IL34: variants seen among roughly 807,000 people sequenced by gnomAD.
IL34 encodes interleukin 34, also known as interleukin-34.
A neutral mutation model predicts 25.3 loss-of-function variants in IL34; 17 were observed. That is an observed-to-expected ratio of 0.67 (90% CI 0.46 to 1.01). The LOEUF (loss-of-function observed/expected upper bound fraction) is 1.01. Ranked by LOEUF, IL34 falls within the 50% of genes least tolerant of loss-of-function variation. The pLI is 0.00. For missense variants in IL34, 368 were observed against 312.9 expected, an observed-to-expected ratio of 1.18 and a Z score of -1.33; for synonymous variants, 174 against 140.9, an observed-to-expected ratio of 1.23 and a Z score of -1.66.
chr16:70,610,424 C>T (rs1396409649), intron 1 of IL34, among the ~76,000 whole-genome samples: 2 of 152,150 alleles, frequency 1.3e-5, no homozygotes. Flanking sequence ...GCCCATGTGT[C>T]CAGTTCATTC....
intron 1 of IL34, among the ~76,000 whole-genome samples, chr16:70,624,734 A>G (rs1410618787): frequency 1.3e-5 from 2 of 151,870 alleles, no homozygotes; most frequent in African/African-American, 4.9e-5. Flanking sequence ...GAACGAAACT[A>G]TAAGCCAGAC....
At chr16:70,642,929 AG>A (rs1470847933), upstream of IL34, among the ~76,000 whole-genome samples, 16 of 152,206 alleles carry the variant, frequency 1.1e-4, no homozygotes, top group Non-Finnish European at 2.1e-4. Context: ...AAGAGGGAAT[AG>A]GGGGTGACTG....
intron 1 of IL34, among the ~76,000 whole-genome samples, chr16:70,624,068 G>A (rs995059418): frequency 6.6e-6 from 1 of 152,106 alleles, no homozygotes; most frequent in Non-Finnish European, 1.5e-5. Flanking sequence ...CCGCTAAGCC[G>A]AGAAGGAGTC....
intron 1 of IL34, among the ~76,000 whole-genome samples, chr16:70,604,907 T>TGTGTGTGTGC (rs2050978283): frequency 6.6e-6 from 1 of 151,906 alleles, no homozygotes; most frequent in Non-Finnish European, 1.5e-5. Flanking sequence ...TGTGCATGCA[T>TGTGTGTGTGC]GTGTGTGTGC....
chr16:70,651,262 G>C (rs2052071821), intron 1 of IL34, among the ~76,000 whole-genome samples: 1 of 152,158 alleles, frequency 6.6e-6, no homozygotes, highest in African/African-American at 2.4e-5. Context: ...CAAAGCATGA[G>C]CCCAGGAGGC....
chr16:70,602,234 C>T (rs957616325), intron 1 of IL34, among the ~76,000 whole-genome samples: 8 of 152,218 alleles, frequency 5.3e-5, no homozygotes, highest in Admixed American at 4.6e-4. Flanking sequence ...AATGTGGTCT[C>T]TTCCTTTGCT....
At chr16:70,628,734 G>A (rs929233148) in intron 1 of IL34, among the ~76,000 whole-genome samples, 2 of 148,576 alleles carry the variant, frequency 1.3e-5, no homozygotes, top group African/African-American at 5.0e-5. Context: ...TGATCCACCC[G>A]CCTTGGCCTC....
At chr16:70,623,435 TGGG>T (rs1036560524) in intron 1 of IL34, among the ~76,000 whole-genome samples, 15 of 151,744 alleles carry the variant, frequency 9.9e-5, no homozygotes, top group Admixed American at 7.2e-4. Flanking sequence ...ACAGGCAAAA[TGGG>T]GGAATTGTAA....
chr16:70,608,718 G>A (rs1211749977), intron 1 of IL34, among the ~76,000 whole-genome samples: 5 of 152,372 alleles, frequency 3.3e-5, no homozygotes, highest in Non-Finnish European at 7.4e-5. Flanking sequence ...TCCCACAGCA[G>A]GTTCAGGTGG....
chr16:70,653,426 C>T (rs570400365), intron 1 of IL34, among the ~76,000 whole-genome samples: 1 of 150,978 alleles, frequency 6.6e-6, no homozygotes, highest in South Asian at 2.1e-4. Flanking sequence ...GGGCCAGGCA[C>T]AGTGGCTCAC....
At chr16:70,623,844 G>T in intron 1 of IL34, among the ~76,000 whole-genome samples, 1 of 150,906 alleles carries the variant, frequency 6.6e-6, no homozygotes, top group Non-Finnish European at 1.5e-5. Context: ...CCAGAGTTGG[G>T]GAGTTCTAAG....
In IL34 at chr16:70,654,525, G is replaced by T. The variant is rs375928624; in HGVS notation, c.29-13G>T. The T allele has an allele frequency of 3.9e-5, 63 of 1,601,826 alleles. No individual in the cohort carries two copies. The African/African-American group carries it at 7.3e-4, about 19-fold the overall frequency. ...GAGGGTGCTCATGTGCTCTTGTCGGGTGTGGTCCACAGATCTTGGGATCTT... is the reference window on the plus strand; with the variant it reads ...GAGGGTGCTCATGTGCTCTTGTCGGTTGTGGTCCACAGATCTTGGGATCTT... On this transcript the variant is annotated splice_polypyrimidine_tract_variant and intron_variant, in intron 1 of 5. Transcript: ENST00000288098.
At chr16:70,637,500 C>T (rs924380143) in intron 1 of IL34, among the ~76,000 whole-genome samples, 18 of 149,274 alleles carry the variant, frequency 1.2e-4, no homozygotes, top group Non-Finnish European at 6.0e-5. Context: ...CATACACCAT[C>T]AGGCCCGGCT....
intron 1 of IL34, 98 bp from the exon 2 acceptor site, chr16:70,654,440 T>C (rs2052160301): frequency 2.1e-6 from 3 of 1,462,186 alleles, no homozygotes; most frequent in South Asian, 2.8e-5. Flanking sequence ...GCTTGTCTCC[T>C]ATGCAAATGG....
intron 1 of IL34, among the ~76,000 whole-genome samples, chr16:70,615,504 T>G (rs2051160586): frequency 6.6e-6 from 1 of 151,832 alleles, no homozygotes; most frequent in African/African-American, 2.4e-5. Flanking sequence ...AGACTCCGTC[T>G]CAAAATAAAT....
At chr16:70,651,243 A>G (rs1029222769) in intron 1 of IL34, among the ~76,000 whole-genome samples, 1 of 152,154 alleles carries the variant, frequency 6.6e-6, no homozygotes, top group Non-Finnish European at 1.5e-5. Flanking sequence ...GAGGGTACCT[A>G]GCGCAGGGCA....
intron 1 of IL34, among the ~76,000 whole-genome samples, chr16:70,597,170 G>A (rs57014028): frequency 0.088 from 13,301 of 151,858 alleles, 1,898 homozygotes; most frequent in African/African-American, 0.3. Context: ...ATTTCCTAGG[G>A]GCCCATCTCC....
chr16:70,612,559 G>A (rs922679257), intron 1 of IL34, among the ~76,000 whole-genome samples: 6 of 152,210 alleles, frequency 3.9e-5, no homozygotes, highest in Non-Finnish European at 8.8e-5. Context: ...ACACTAAAGT[G>A]TGAAAGATTG....
chr16:70,646,896 A>G lies in IL34; in HGVS notation c.-52A>G. ...GTAGGCCGTGCTTAGGCCTCTGTGG[A>G]CACACTGCTGGGGACGGCGCCTGAG... is the stretch of plus-strand genomic sequence containing the variant. On this transcript the variant is annotated 5_prime_UTR_variant, in exon 1 of 6. Transcript: ENST00000288098. 1.4e-6 allele frequency: 2 copies of G among 1,470,468 alleles called. No homozygotes were observed. Among genetic ancestry groups the G allele is most frequent in the Non-Finnish European group, 1.8e-6 (2 of 1,115,156 alleles). The allele number at this position is 1,470,468 out of a possible 1,614,324, so 91.1% of individuals were successfully genotyped here. A position where few individuals can be genotyped will look rare whatever the true frequency, so the allele number is the denominator to read the frequency against.
Sources: allele counts gnomAD v4.1 joint callset (sites outside exome capture counted in the v4.1 genomes callset), GRCh38; gene constraint gnomAD v4.1.1; transcripts MANE v1.5; gene names NCBI Gene and HGNC (gene_info 2026-07-23, HGNC 2026-07-21).